Variants in ASB7 observed in about 807,000 individuals in gnomAD.
The protein encoded by ASB7 is ankyrin repeat and SOCS box containing 7.
A neutral mutation model predicts 32.5 loss-of-function variants in ASB7; 4 were observed. The ratio of observed to expected loss-of-function variants is 0.12; its 90% CI spans 0.06 to 0.28. The LOEUF is 0.28. Among genes scored for constraint, ASB7 ranks in the 10% least tolerant of loss-of-function variants. ASB7 has a pLI of 1.00. For missense variants in ASB7, 181 were observed against 407.1 expected (o/e 0.44, Z 4.78); for synonymous variants, 172 against 155.6 (o/e 1.11, Z -0.78).
Position 100,647,038 on chromosome 15 carries a change from T to G in ASB7, c.818-1285T>G, listed in dbSNP as rs986653494. Among the ~76,000 whole-genome samples the G allele has an allele frequency of 2.6e-5, 4 of 152,238 alleles. No individual in the cohort carries two copies. In the East Asian group the frequency reaches 7.7e-4, roughly 29 times the overall value. On this transcript the variant is annotated intron_variant, in intron 5 of 5. Coordinates refer to ENST00000332783, the MANE Select transcript of ASB7 (RefSeq NM_198243.3). ...AATGACGTTCTTGTTAAATTTTTTTTTGGTTTTGGAAAATATAGTTACTTT... is the reference window on the plus strand; with the variant it reads ...AATGACGTTCTTGTTAAATTTTTTTGTGGTTTTGGAAAATATAGTTACTTT...
At chr15:100,626,511 C>A (rs760136414) in intron 4 of ASB7, among the ~76,000 whole-genome samples, 1 of 152,072 alleles carries the variant, frequency 6.6e-6, no homozygotes, top group Non-Finnish European at 1.5e-5. Flanking sequence ...GATGGTGTAG[C>A]CATTTAAAAA....
At position 100,610,023 on chromosome 15, in the gene ASB7, TAAAAAG is replaced by T. The variant is rs984459377; in HGVS notation, c.-52+200_-52+205del. On this transcript the variant is annotated intron_variant, in intron 3 of 5. Transcript: ENST00000332783. Reference sequence around the variant, plus strand: ...TTAAGTGCCAACATAATCACTTAATTAAAAAGAAAAGCTGTTAAGGATGATTGTGAG... The same window carrying T: ...TTAAGTGCCAACATAATCACTTAATTAAAAGCTGTTAAGGATGATTGTGAG... Among the ~76,000 whole-genome samples, 32 of 152,340 alleles carry T rather than the reference TAAAAAG, an allele frequency of 2.1e-4. 1 individual carries two copies. Among genetic ancestry groups the T allele is most frequent in the African/African-American group, 7.5e-4 (31 of 41,578 alleles).
chr15:100,614,117 A>G (rs1326511731), intron 4 of ASB7, among the ~76,000 whole-genome samples: 1 of 152,080 alleles, frequency 6.6e-6, no homozygotes, highest in Non-Finnish European at 1.5e-5. Context: ...TACTAAGAGT[A>G]AAAAAATTAG....
intron 5 of ASB7, among the ~76,000 whole-genome samples, chr15:100,631,653 T>A (rs1339450601): frequency 6.6e-6 from 1 of 152,226 alleles, no homozygotes; most frequent in Non-Finnish European, 1.5e-5. Context: ...AGACTAGAGC[T>A]AGACTGCAAG....
chr15:100,615,616 A>G (rs957308360), intron 4 of ASB7, among the ~76,000 whole-genome samples: 1 of 152,248 alleles, frequency 6.6e-6, no homozygotes, highest in Non-Finnish European at 1.5e-5. Flanking sequence ...AGTGAGGGCA[A>G]GTCTCTAACT....
At chr15:100,646,033 C>T (rs2039994951) in intron 5 of ASB7, 1 of 426,562 alleles carries the variant, frequency 2.3e-6, no homozygotes, top group Non-Finnish European at 4.6e-6. Context: ...AGACCAGATC[C>T]TTAGCATCTT....
In ASB7 at chr15:100,648,729, C is replaced by T. The variant is rs929178178; in HGVS notation, c.*267C>T. On this transcript the variant is annotated 3_prime_UTR_variant, in exon 6 of 6. Transcript: ENST00000332783. ...AGAGGTCCAAGCTTTGTATACAATA[C>T]TGCATTTAGAAAAATTGTCTTTTCT... is the stretch of plus-strand genomic sequence containing the variant. 1.5e-5 allele frequency: 4 copies of T among 267,306 alleles called. No individual in the cohort carries two copies. The highest frequency in any genetic ancestry group is 6.6e-5 in the African/African-American group (3 of 45,282). The allele number at this position is 267,306 out of a possible 1,614,324, so 16.6% of individuals were successfully genotyped here.
intron 4 of ASB7, among the ~76,000 whole-genome samples, chr15:100,627,526 C>CA (rs1160603857): frequency 6.6e-6 from 1 of 152,178 alleles, no homozygotes; most frequent in African/African-American, 2.4e-5. Flanking sequence ...TTGATTTTAA[C>CA]AGAGACTATG....
intron 1 of ASB7, 81 bp downstream of exon 1, chr15:100,603,127 T>C (rs2039576377): frequency 5.0e-6 from 2 of 397,502 alleles, no homozygotes; most frequent in Non-Finnish European, 8.9e-6. Flanking sequence ...TTTTCTTGCC[T>C]GCCCTTGCCA....
At chr15:100,622,311 CACAA>C (rs1298396353) in intron 4 of ASB7, among the ~76,000 whole-genome samples, 14 of 152,152 alleles carry the variant, frequency 9.2e-5, no homozygotes, top group African/African-American at 3.4e-4. Context: ...TCGAAGAGGA[CACAA>C]ACAAATGGAA....
intron 3 of ASB7, among the ~76,000 whole-genome samples, 164 bp downstream of exon 3, chr15:100,609,992 C>A (rs531524523): frequency 1.7e-4 from 26 of 152,220 alleles, no homozygotes; most frequent in East Asian, 1.5e-3. Context: ...GCATGGTAGG[C>A]CTCGTTTAAG....
intron 5 of ASB7, chr15:100,646,249 A>C (rs2039996109): frequency 2.5e-6 from 1 of 399,532 alleles, no homozygotes; most frequent in South Asian, 2.2e-5. Flanking sequence ...CATGTGTCCC[A>C]CAATTGTCAA....
rs2039702086 is a variant in ASB7, at chr15:100,612,188, A to G, written c.-29A>G. On this transcript the variant is annotated 5_prime_UTR_variant, in exon 4 of 6. Coordinates refer to ENST00000332783, the MANE Select transcript of ASB7 (RefSeq NM_198243.3). ...AAGGCTGATCCCCGTAACCTAATGA[A>G]TCCTTTGTAAAAAGTGGACTCAGCT... The G allele has an allele frequency of 6.4e-7, 1 of 1,571,326 alleles. No homozygotes were observed. Among genetic ancestry groups the G allele is most frequent in the South Asian group, 1.1e-5 (1 of 90,050 alleles).
In ASB7 at chr15:100,649,425, C is replaced by A. The variant is rs146163677; in HGVS notation, c.*963C>A. 36 of 152,166 alleles carry A rather than the reference C, an allele frequency of 2.4e-4. No homozygotes were observed. Among genetic ancestry groups the A allele is most frequent in the Non-Finnish European group, 1.2e-4 (8 of 68,016 alleles). 9.4% of individuals were successfully genotyped at this position (152,166 alleles called of 1,614,324 possible). Reference sequence around the variant, plus strand: ...TCACTTTAAGCAGAAAATTTTGTACCCTGGTGGTCGAGTCTTCCCTTAAAA... The same window carrying A: ...TCACTTTAAGCAGAAAATTTTGTACACTGGTGGTCGAGTCTTCCCTTAAAA... On this transcript the variant is annotated 3_prime_UTR_variant, in exon 6 of 6. Coordinates refer to ENST00000332783, the MANE Select transcript of ASB7 (RefSeq NM_198243.3).
intron 4 of ASB7, among the ~76,000 whole-genome samples, chr15:100,624,143 A>T (rs994477614): frequency 1.1e-4 from 16 of 152,200 alleles, no homozygotes; most frequent in Admixed American, 9.8e-4. Context: ...TAGAAAACAG[A>T]GGCTGGGAAG....
chr15:100,640,264 C>T (rs1360238328), intron 5 of ASB7, among the ~76,000 whole-genome samples: 1 of 152,126 alleles, frequency 6.6e-6, no homozygotes, highest in Non-Finnish European at 1.5e-5. Context: ...CCTGCCTCAG[C>T]CTCCTGAGTA....
intron 5 of ASB7, among the ~76,000 whole-genome samples, chr15:100,631,430 C>T (rs547559150): frequency 1.3e-5 from 2 of 152,338 alleles, no homozygotes; most frequent in African/African-American, 4.8e-5. Flanking sequence ...TGTTCCATTG[C>T]AGAAAGCTTC....
At position 100,616,156 on chromosome 15, in the gene ASB7, A is replaced by G. The variant is rs138036122; in HGVS notation, c.211+3729A>G. Among the ~76,000 whole-genome samples, 446 of 152,230 alleles carry G rather than the reference A, an allele frequency of 2.9e-3. 5 individuals carry two copies. Among genetic ancestry groups the G allele is most frequent in the African/African-American group, 0.01 (419 of 41,540 alleles). On this transcript the variant is annotated intron_variant, in intron 4 of 5. Transcript: ENST00000332783. Reference sequence around the variant, plus strand: ...TGGTTTTTCTCTTTCCTGGTGTGATATACCTGCCTCTCTTTTTCTTTTTTT... The same window carrying G: ...TGGTTTTTCTCTTTCCTGGTGTGATGTACCTGCCTCTCTTTTTCTTTTTTT...
intron 5 of ASB7, chr15:100,645,843 A>G (rs2039993930): frequency 1.8e-6 from 2 of 1,109,860 alleles, no homozygotes; most frequent in African/African-American, 1.5e-5. Context: ...CGCTAATTTC[A>G]TGGTCCCAAG....
Sources: allele counts gnomAD v4.1 joint callset (sites outside exome capture counted in the v4.1 genomes callset), GRCh38; gene constraint gnomAD v4.1.1; transcripts MANE v1.5; gene names NCBI Gene and HGNC (gene_info 2026-07-23, HGNC 2026-07-21).